The following ADAM12 variants were observed in gnomAD, a reference collection of about 807,000 sequenced individuals.
The protein encoded by ADAM12 is disintegrin and metalloproteinase domain-containing protein 12.
In ADAM12, 70 loss-of-function variants were observed where a neutral mutation model predicts 106.4. The ratio of observed to expected loss-of-function variants is 0.66; its 90% confidence interval spans 0.54 to 0.80. ADAM12 has a LOEUF of 0.80. ADAM12 is among the 30% of genes least tolerant of loss of function. The probability of loss-of-function intolerance (pLI) is 0.00; values close to 1 mark genes in which losing one functional copy is unlikely to be tolerated. For missense variants in ADAM12, 1,010 were observed against 1,171.9 expected (o/e 0.86, Z 2.02); for synonymous variants, 420 against 433.5 (o/e 0.97, Z 0.39).
intron 3 of ADAM12, among the ~76,000 whole-genome samples, chr10:126,199,211 G>C (rs954965039): frequency 6.6e-6 from 1 of 152,194 alleles, no homozygotes; most frequent in African/African-American, 2.4e-5. Context: ...AGATGATTCA[G>C]TAAAGTGTAA....
intron 5 of ADAM12, among the ~76,000 whole-genome samples, chr10:126,134,938 G>A (rs1232603089): frequency 6.6e-6 from 1 of 152,240 alleles, no homozygotes; most frequent in Admixed American, 6.5e-5. Flanking sequence ...TGAAACAGCT[G>A]GAAATTTATC....
chr10:126,274,946 C>A (rs1417099692), intron 3 of ADAM12, among the ~76,000 whole-genome samples: 1 of 152,180 alleles, frequency 6.6e-6, no homozygotes, highest in East Asian at 1.9e-4. Flanking sequence ...TGTTATTGTT[C>A]TAGAGTGAAT....
intron 3 of ADAM12, among the ~76,000 whole-genome samples, chr10:126,176,175 T>A (rs1484062477): frequency 6.6e-6 from 1 of 152,192 alleles, no homozygotes; most frequent in African/African-American, 2.4e-5. Flanking sequence ...ACATAACAAC[T>A]GCAGAACGAT....
At chr10:126,356,834 A>G (rs1294643084) in intron 1 of ADAM12, among the ~76,000 whole-genome samples, 2 of 152,202 alleles carry the variant, frequency 1.3e-5, no homozygotes, top group Non-Finnish European at 2.9e-5. Flanking sequence ...TACAATGGCT[A>G]AACTTTAAAA....
intron 11 of ADAM12, among the ~76,000 whole-genome samples, chr10:126,089,821 C>G (rs1290594250): frequency 2.0e-5 from 3 of 152,126 alleles, no homozygotes; most frequent in Non-Finnish European, 2.9e-5. Context: ...TGCAGGCTCT[C>G]CATCCCTGTC....
intron 3 of ADAM12, among the ~76,000 whole-genome samples, chr10:126,225,865 A>C (rs1458403303): frequency 6.6e-6 from 1 of 152,192 alleles, no homozygotes; most frequent in Non-Finnish European, 1.5e-5. Context: ...ATGTTACGAC[A>C]GGATGTAAGA....
intron 3 of ADAM12, among the ~76,000 whole-genome samples, chr10:126,269,408 G>C (rs1231573635): frequency 6.6e-6 from 1 of 152,166 alleles, no homozygotes; most frequent in African/African-American, 2.4e-5. Context: ...AAACTTTCAA[G>C]CTTTCCAGAG....
At chr10:126,184,408 A>C (rs1957364654) in intron 3 of ADAM12, among the ~76,000 whole-genome samples, 1 of 152,214 alleles carries the variant, frequency 6.6e-6, no homozygotes. Flanking sequence ...AAGTGACCTC[A>C]AATTTTTAAT....
Position 126,064,760 on chromosome 10 carries a change from G to A in ADAM12, c.1609+46C>T. 1 of 1,544,598 alleles carries A rather than the reference G, an allele frequency of 6.5e-7. No homozygotes were observed. Among genetic ancestry groups the A allele is most frequent in the Middle Eastern group, 2.2e-4 (1 of 4,520 alleles). On this transcript the variant is annotated intron_variant, in intron 14 of 22. Transcript: ENST00000448723. The surrounding 1 kb of genome is among the most constrained non-coding windows in gnomAD (Gnocchi z 4.4). Reference sequence around the variant, plus strand: ...ACATGCCCCCAGTCCCACAGCCCAGGTCTGCCAGTGCCTCTCCTGATGCCG... The same window carrying A: ...ACATGCCCCCAGTCCCACAGCCCAGATCTGCCAGTGCCTCTCCTGATGCCG...
Position 126,388,471 on chromosome 10 carries a change from G to C in ADAM12, c.-326C>G. ...AGCGTTAGTGAGAGAAGGCAGGCCT[G>C]TGAAATGGATCCACGGCCAGCAGTC... On this transcript the variant is annotated 5_prime_UTR_variant, in exon 1 of 23. Coordinates refer to ENST00000448723, the MANE Select transcript of ADAM12 (RefSeq NM_001288973.2). The surrounding 1 kb of genome is among the most constrained non-coding windows in gnomAD (Gnocchi z 4.4). 4.8e-6 allele frequency: 1 copy of C among 209,638 alleles called. No individual in the cohort carries two copies. Among genetic ancestry groups the C allele is most frequent in the Admixed American group, 5.9e-5 (1 of 16,932 alleles). 13.0% of individuals were successfully genotyped at this position (209,638 alleles called of 1,614,324 possible).
intron 20 of ADAM12, among the ~76,000 whole-genome samples, chr10:126,037,238 G>A (rs903108221): frequency 6.8e-6 from 1 of 147,968 alleles, no homozygotes; most frequent in South Asian, 2.1e-4. Context: ...CTGGTTGATG[G>A]ATATTTGGAT....
intron 3 of ADAM12, among the ~76,000 whole-genome samples, chr10:126,202,527 C>G (rs1330603846): frequency 1.3e-5 from 2 of 151,794 alleles, no homozygotes; most frequent in Non-Finnish European, 2.9e-5. Flanking sequence ...CTCTCTTTAA[C>G]CAGAAGAAGA....
chr10:126,170,312 G>T (rs1368447062), intron 3 of ADAM12, among the ~76,000 whole-genome samples: 1 of 152,098 alleles, frequency 6.6e-6, no homozygotes, highest in Admixed American at 6.5e-5. Context: ...CCGGGGCGGC[G>T]AAGAGGACCT....
At chr10:126,354,453 G>A (rs7911972) in intron 1 of ADAM12, among the ~76,000 whole-genome samples, 89,211 of 151,816 alleles carry the variant, frequency 0.59, 26,493 homozygotes, top group Middle Eastern at 0.66. Context: ...GCAGTAGAAC[G>A]TCTGCGGGAG....
intron 1 of ADAM12, among the ~76,000 whole-genome samples, chr10:126,371,271 T>C (rs1856106376): frequency 6.6e-6 from 1 of 152,238 alleles, no homozygotes; most frequent in South Asian, 2.1e-4. Flanking sequence ...AATTCTATCC[T>C]ATGAAGAAAG....
intron 3 of ADAM12, among the ~76,000 whole-genome samples, chr10:126,179,543 T>C (rs1957276811): frequency 6.6e-6 from 1 of 152,210 alleles, no homozygotes; most frequent in Non-Finnish European, 1.5e-5. Context: ...TCATACCTTT[T>C]GGATGCTAAA....
At chr10:126,365,053 T>C (rs865948363) in intron 1 of ADAM12, among the ~76,000 whole-genome samples, 1 of 152,302 alleles carries the variant, frequency 6.6e-6, no homozygotes, top group Non-Finnish European at 1.5e-5. Context: ...CCCTTTGCCA[T>C]ATGTTAAGGG....
chr10:126,183,638 T>C (rs1957352749), intron 3 of ADAM12, among the ~76,000 whole-genome samples: 1 of 152,244 alleles, frequency 6.6e-6, no homozygotes, highest in African/African-American at 2.4e-5. Flanking sequence ...ATATAAATGT[T>C]TTTTGGATGT....
chr10:126,156,220 C>T (rs145805370), intron 3 of ADAM12, among the ~76,000 whole-genome samples: 9 of 147,648 alleles, frequency 6.1e-5, no homozygotes, highest in Non-Finnish European at 7.6e-5. Flanking sequence ...GTGAAGGGAG[C>T]GATCACAGAG....
Sources: allele counts gnomAD v4.1 joint callset (sites outside exome capture counted in the v4.1 genomes callset), GRCh38; gene constraint gnomAD v4.1.1; non-coding constraint Gnocchi (gnomAD v3.1); transcripts MANE v1.5; gene names NCBI Gene and HGNC (gene_info 2026-07-23, HGNC 2026-07-21).